RCAN2: variants seen among roughly 807,000 people sequenced by gnomAD.
RCAN2 encodes regulator of calcineurin 2.
In RCAN2, 9 loss-of-function variants were observed where a neutral mutation model predicts 23.6. The ratio of observed to expected loss-of-function variants is 0.38; its 90% CI spans 0.23 to 0.67. The LOEUF (loss-of-function observed/expected upper bound fraction) is 0.67. Among genes scored for constraint, RCAN2 ranks in the 30% least tolerant of loss-of-function variants. The pLI is 0.51. For synonymous variants in RCAN2, 109 were observed against 115.7 expected (o/e 0.94, Z 0.37); for missense variants, 273 against 302.3 (o/e 0.90, Z 0.72).
intron 4 of RCAN2, among the ~76,000 whole-genome samples, chr6:46,243,145 G>A (rs1277553915): frequency 2.6e-5 from 4 of 152,198 alleles, no homozygotes; most frequent in Non-Finnish European, 5.9e-5. Context: ...ATGGGGAGGA[G>A]GAAGGGTGTG....
Position 46,285,612 on chromosome 6 carries a change from T to C in RCAN2, c.226-36716A>G, listed in dbSNP as rs1158926466. Among the ~76,000 whole-genome samples the C allele has an allele frequency of 3.9e-5, 6 of 152,234 alleles. No homozygotes were observed. The South Asian group carries it at 1.2e-3, about 31-fold the overall frequency. On this transcript the variant is annotated intron_variant, in intron 2 of 4. Transcript: ENST00000371374. Reference sequence around the variant, plus strand: ...TAGTTGCTTGAAGGTAAGTACATCCTGAATTTGACTATGAAAATGTCTTCC... The same window carrying C: ...TAGTTGCTTGAAGGTAAGTACATCCCGAATTTGACTATGAAAATGTCTTCC...
intron 4 of RCAN2, among the ~76,000 whole-genome samples, chr6:46,230,171 G>C (rs1765829259): frequency 6.6e-6 from 1 of 152,204 alleles, no homozygotes; most frequent in Non-Finnish European, 1.5e-5. Context: ...GGCTGTATGA[G>C]GTGTCAGTTG....
chr6:46,306,763 C>T (rs1763083742), intron 2 of RCAN2, among the ~76,000 whole-genome samples: 1 of 152,114 alleles, frequency 6.6e-6, no homozygotes, highest in African/African-American at 2.4e-5. Context: ...GCTCAAATGC[C>T]ACCTCCTTGA....
intron 2 of RCAN2, among the ~76,000 whole-genome samples, chr6:46,281,557 A>G (rs547290909): frequency 3.6e-4 from 55 of 152,356 alleles, no homozygotes; most frequent in African/African-American, 1.1e-3. Flanking sequence ...AGAGAAAAGG[A>G]AGGCTCACCA....
chr6:46,400,340 C>A (rs1766213363), intron 2 of RCAN2, among the ~76,000 whole-genome samples: 1 of 152,152 alleles, frequency 6.6e-6, no homozygotes, highest in African/African-American at 2.4e-5. Context: ...TATCTTGGAC[C>A]AGAGATCCAA....
chr6:46,356,918 G>T (rs982129671), intron 2 of RCAN2, among the ~76,000 whole-genome samples: 2 of 152,210 alleles, frequency 1.3e-5, no homozygotes, highest in African/African-American at 4.8e-5. Flanking sequence ...AAGTTCAACA[G>T]GTGGATCATT....
chr6:46,450,300 T>C (rs1490966869), intron 2 of RCAN2, among the ~76,000 whole-genome samples: 1 of 151,774 alleles, frequency 6.6e-6, no homozygotes, highest in Non-Finnish European at 1.5e-5. Flanking sequence ...GGTGAAAGTG[T>C]TGGTGATGAT....
At chr6:46,267,149 T>G (rs1241525629) in intron 2 of RCAN2, among the ~76,000 whole-genome samples, 1 of 152,168 alleles carries the variant, frequency 6.6e-6, no homozygotes, top group Non-Finnish European at 1.5e-5. Flanking sequence ...TATGGGCAAG[T>G]GATGGTAACG....
intron 2 of RCAN2, among the ~76,000 whole-genome samples, chr6:46,412,128 C>T (rs920638251): frequency 2.0e-5 from 3 of 151,944 alleles, no homozygotes; most frequent in Non-Finnish European, 4.4e-5. Flanking sequence ...GAAATTTGAT[C>T]CAGGATTTAT....
chr6:46,337,579 C>T, intron 2 of RCAN2, among the ~76,000 whole-genome samples: 1 of 152,206 alleles, frequency 6.6e-6, no homozygotes, highest in East Asian at 1.9e-4. Flanking sequence ...AAACCTGATC[C>T]TCTTTCTGTA....
intron 2 of RCAN2, among the ~76,000 whole-genome samples, chr6:46,289,693 A>G (rs573200239): frequency 6.6e-6 from 1 of 152,330 alleles, no homozygotes; most frequent in East Asian, 1.9e-4. Context: ...TAAAATTCTT[A>G]TAAATCTATA....
intron 4 of RCAN2, among the ~76,000 whole-genome samples, chr6:46,242,895 C>G (rs1029976924): frequency 1.3e-5 from 2 of 152,202 alleles, no homozygotes; most frequent in Non-Finnish European, 2.9e-5. Flanking sequence ...ATTCATTCCT[C>G]CAATGTTTAT....
At chr6:46,225,963 TAA>T (rs2150303399) in intron 4 of RCAN2, among the ~76,000 whole-genome samples, 1 of 152,348 alleles carries the variant, frequency 6.6e-6, no homozygotes, top group South Asian at 2.1e-4. Context: ...AATTTGTGTA[TAA>T]AGTAGGAGGA....
chr6:46,390,427 C>T (rs1299147935), intron 2 of RCAN2, among the ~76,000 whole-genome samples: 1 of 152,192 alleles, frequency 6.6e-6, no homozygotes, highest in Non-Finnish European at 1.5e-5. Flanking sequence ...CAGGGCTGAG[C>T]CTTTCCAAAT....
chr6:46,297,860 G>T (rs1582078781), intron 2 of RCAN2, among the ~76,000 whole-genome samples: 2 of 152,098 alleles, frequency 1.3e-5, no homozygotes, highest in South Asian at 4.2e-4. Context: ...AATTCTTTAA[G>T]GCCCAAACGT....
intron 2 of RCAN2, among the ~76,000 whole-genome samples, chr6:46,269,867 C>A (rs1036624232): frequency 1.1e-4 from 16 of 152,232 alleles, no homozygotes; most frequent in African/African-American, 3.9e-4. Context: ...TTCACAGGCA[C>A]CCCCAGTTCA....
intron 2 of RCAN2, among the ~76,000 whole-genome samples, chr6:46,256,575 G>T (rs568823958): frequency 1.3e-5 from 2 of 152,072 alleles, no homozygotes; most frequent in East Asian, 3.9e-4. Flanking sequence ...AGATGTATTT[G>T]CTTTTCTTAA....
intron 2 of RCAN2, among the ~76,000 whole-genome samples, chr6:46,349,500 C>A (rs1346824577): frequency 6.6e-6 from 1 of 151,650 alleles, no homozygotes; most frequent in African/African-American, 2.4e-5. Flanking sequence ...ATAGGTGCAG[C>A]AAACCACCAT....
intron 1 of RCAN2, among the ~76,000 whole-genome samples, chr6:46,485,579 C>T (rs762424718): frequency 2.0e-5 from 3 of 152,118 alleles, no homozygotes; most frequent in Non-Finnish European, 4.4e-5. Context: ...GTGGACATGC[C>T]TCAGCAGACA....
Sources: allele counts gnomAD v4.1 joint callset (sites outside exome capture counted in the v4.1 genomes callset), GRCh38; gene constraint gnomAD v4.1.1; transcripts MANE v1.5; gene names NCBI Gene and HGNC (gene_info 2026-07-23, HGNC 2026-07-21).